The following CCDC15 variants were observed in gnomAD, a reference collection of about 807,000 sequenced individuals.
CCDC15 encodes the protein coiled-coil domain containing 15, also known as coiled-coil domain-containing protein 15.
In CCDC15, 105 loss-of-function variants were observed where a neutral mutation model predicts 114.5. The ratio of observed to expected loss-of-function variants is 0.92; its 90% CI spans 0.78 to 1.08. The LOEUF is 1.08. Among genes scored for constraint, CCDC15 ranks in the 50% least tolerant of loss-of-function variants. The pLI, the probability that CCDC15 is intolerant of heterozygous loss-of-function variation, is 0.00. For missense variants in CCDC15, 1,105 were observed against 1,093.6 expected (o/e 1.01, Z -0.15); for synonymous variants, 334 against 377.8 (o/e 0.88, Z 1.34).
intron 6 of CCDC15, 73 bp from the exon 7 acceptor site, chr11:124,986,669 G>C (rs1408150577): frequency 9.8e-6 from 3 of 306,134 alleles, no homozygotes; most frequent in East Asian, 1.7e-4. Context: ...ACATGGTGCT[G>C]TGTGTGTGTG....
chr11:124,964,267 T>C (rs1209756172), intron 4 of CCDC15, among the ~76,000 whole-genome samples: 3 of 152,210 alleles, frequency 2.0e-5, no homozygotes, highest in Non-Finnish European at 4.4e-5. Flanking sequence ...ATTCTTCCTG[T>C]CCATGAGCAT....
chr11:124,968,199 G>A (rs1175392391), intron 4 of CCDC15, among the ~76,000 whole-genome samples: 1 of 148,960 alleles, frequency 6.7e-6, no homozygotes, highest in East Asian at 2.0e-4. Flanking sequence ...CTGTCAGACA[G>A]GGACGTTTAA....
At chr11:124,983,219 T>G (rs1207245544) in intron 6 of CCDC15, among the ~76,000 whole-genome samples, 3 of 152,220 alleles carry the variant, frequency 2.0e-5, no homozygotes, top group Non-Finnish European at 4.4e-5. Context: ...TTCCTTGGAC[T>G]GGGTTTTAAC....
At chr11:124,986,667 C>CTGTGTGTGTGTGTG (rs146292043) in intron 6 of CCDC15, 75 bp from the exon 7 acceptor site, 1 of 1,089,544 alleles carries the variant, frequency 9.2e-7, no homozygotes, top group Non-Finnish European at 1.2e-6. Flanking sequence ...CTACATGGTG[C>CTGTGTGTGTGTGTG]TGTGTGTGTG....
At chr11:124,970,076 G>A (rs1317872223) in intron 4 of CCDC15, among the ~76,000 whole-genome samples, 2 of 152,136 alleles carry the variant, frequency 1.3e-5, no homozygotes, top group Admixed American at 6.5e-5. Flanking sequence ...TGGTCACCTT[G>A]TTTCTACATG....
rs772615751 is a variant in CCDC15, at chr11:124,987,522, T to C, written c.1296T>C (p.Cys432=). Residue 432 remains cysteine, a synonymous_variant, in exon 8 of 16, where the codon TGT becomes TGC. Transcript: ENST00000344762. The part of the protein sequence containing the change: ...KNQDVLLKDH[C]VLPKDQSILL... The stretch of plus-strand genomic sequence containing the variant: ...AGGATGTTTTACTCAAAGACCACTG[T>C]GTTCTCCCTAAAGACCAGAGTATTC... The C allele has an allele frequency of 4.5e-5, 72 of 1,613,940 alleles. No individual in the cohort carries two copies. The highest frequency in any genetic ancestry group is 5.8e-5 in the Non-Finnish European group (68 of 1,179,916).
At chr11:125,027,999 C>T (rs1000567330) in intron 13 of CCDC15, among the ~76,000 whole-genome samples, 1 of 152,098 alleles carries the variant, frequency 6.6e-6, no homozygotes, top group Admixed American at 6.5e-5. Context: ...GGTGTCCTTA[C>T]CCTACCTTAT....
chr11:125,036,297 T>C (rs547071510), intron 13 of CCDC15, among the ~76,000 whole-genome samples: 1 of 97,436 alleles, frequency 1.0e-5, no homozygotes, highest in Non-Finnish European at 2.0e-5. Context: ...CAATATATTA[T>C]GTCACTCTTT....
chr11:124,987,696 C>A lies in CCDC15; in HGVS notation c.1470C>A (p.Asp490Glu). 1 of 1,613,974 alleles carries A rather than the reference C, an allele frequency of 6.2e-7. No homozygotes were observed. Among genetic ancestry groups the A allele is most frequent in the Non-Finnish European group, 8.5e-7 (1 of 1,179,880 alleles). The change falls in exon 8 of 16, where the codon GAC becomes GAA. Residue 490 changes from aspartate (D) to glutamate (E), a missense_variant. Coordinates refer to ENST00000344762, the MANE Select transcript of CCDC15 (RefSeq NM_025004.3). ...GAGACCAGCATGTTCTCCCCAAAGA[C>A]CAAGATATTCTGCCAAAATATCAGG... ...LSRDQHVLPK[D>E]QDILPKYQDQ... is the part of the protein sequence containing the mutation.
chr11:124,985,934 C>T (rs1171124714), intron 6 of CCDC15, among the ~76,000 whole-genome samples: 1 of 151,782 alleles, frequency 6.6e-6, no homozygotes, highest in Non-Finnish European at 1.5e-5. Flanking sequence ...AATTGTTTAT[C>T]TTGAGATCAT....
intron 12 of CCDC15, 30 bp from the exon 13 acceptor site, chr11:125,005,079 A>C (rs750187498): frequency 1.6e-5 from 16 of 997,878 alleles, no homozygotes; most frequent in Non-Finnish European, 2.2e-5. Flanking sequence ...TGAAAGCAGA[A>C]TCTTAGTAAT....
In CCDC15 at chr11:124,986,703, G is replaced by GCA. The variant is rs758680911; in HGVS notation, c.754-38_754-37insAC. 1,078 of 1,478,022 alleles carry GCA rather than the reference G, an allele frequency of 7.3e-4. 23 individuals are homozygous for GCA. The highest frequency in any genetic ancestry group is 8.9e-4 in the Non-Finnish European group (986 of 1,103,608). 91.6% of individuals were successfully genotyped at this position (1,478,022 alleles called of 1,614,324 possible). On this transcript the variant is annotated intron_variant, in intron 6 of 15. Coordinates refer to ENST00000344762, the MANE Select transcript of CCDC15 (RefSeq NM_025004.3). ...TGTGTGTGTGTGTTTGTGTGTGTGC[G>GCA]CGCGCGCGCGTGCGCGTTTTCATTG...
intron 11 of CCDC15, among the ~76,000 whole-genome samples, chr11:124,994,452 A>G (rs1948328441): frequency 6.6e-6 from 1 of 152,190 alleles, no homozygotes; most frequent in South Asian, 2.1e-4. Flanking sequence ...ATTGAAACCT[A>G]GGGTATTTTG....
intron 11 of CCDC15, among the ~76,000 whole-genome samples, chr11:124,997,011 C>T (rs1006859725): frequency 6.6e-6 from 1 of 152,206 alleles, no homozygotes; most frequent in African/African-American, 2.4e-5. Flanking sequence ...GTTCCTTTTG[C>T]TCAGCATAAT....
At chr11:125,000,433 T>C (rs770182223) in intron 11 of CCDC15, among the ~76,000 whole-genome samples, 1 of 152,272 alleles carries the variant, frequency 6.6e-6, no homozygotes, top group Non-Finnish European at 1.5e-5. Flanking sequence ...GTCCACTTTC[T>C]AGCTCACTTC....
At chr11:124,979,498 C>T (rs1238199034) in intron 6 of CCDC15, among the ~76,000 whole-genome samples, 2 of 152,016 alleles carry the variant, frequency 1.3e-5, no homozygotes, top group Non-Finnish European at 1.5e-5. Context: ...GGCCTTTCAC[C>T]TCCTTAGTTA....
chr11:124,975,275 A>G (rs1947955332), intron 5 of CCDC15, 66 bp downstream of exon 5: 1 of 927,278 alleles, frequency 1.1e-6, no homozygotes, highest in East Asian at 2.9e-5. Flanking sequence ...AGATTTACTT[A>G]TATCTCAGCA....
chr11:125,000,313 T>C (rs1205255937), intron 11 of CCDC15, among the ~76,000 whole-genome samples: 1 of 152,188 alleles, frequency 6.6e-6, no homozygotes, highest in African/African-American at 2.4e-5. Context: ...ATGGCTTCAA[T>C]GTTACTTTAG....
intron 13 of CCDC15, among the ~76,000 whole-genome samples, chr11:125,029,064 T>G (rs1486341851): frequency 6.6e-6 from 1 of 152,164 alleles, no homozygotes; most frequent in Admixed American, 6.5e-5. Context: ...GAGAAAGATA[T>G]AGTCTGGGAG....
Sources: allele counts gnomAD v4.1 joint callset (sites outside exome capture counted in the v4.1 genomes callset), GRCh38; gene constraint gnomAD v4.1.1; transcripts MANE v1.5; gene names NCBI Gene and HGNC (gene_info 2026-07-23, HGNC 2026-07-21).